Variants in SPEF2 observed in about 807,000 individuals in gnomAD.
SPEF2 encodes sperm flagella and cilia-associated protein 2.
A neutral mutation model predicts 224.6 loss-of-function variants in SPEF2; 187 were observed. That is an observed-to-expected ratio of 0.83 (90% confidence interval 0.74 to 0.94). The LOEUF is 0.94. Ranked by LOEUF, SPEF2 falls within the 40% of genes least tolerant of loss-of-function variation. The pLI, the probability that SPEF2 is intolerant of heterozygous loss-of-function variation, is 0.00. For synonymous variants in SPEF2, 715 were observed against 707.3 expected (o/e 1.01, Z -0.17); for missense variants, 2,170 against 2,135.6 (o/e 1.02, Z -0.32).
At chr5:35,710,748 A>AG (rs11444864) in intron 19 of SPEF2, 767,568 of 984,854 alleles carry the variant, frequency 0.78, 299,906 homozygotes, top group Middle Eastern at 0.82. Context: ...GTTTCTGATC[A>AG]GACCAGCTCA....
chr5:35,648,448 A>G (rs1368981637), intron 5 of SPEF2, among the ~76,000 whole-genome samples: 1 of 151,238 alleles, frequency 6.6e-6, no homozygotes, highest in Non-Finnish European at 1.5e-5. Context: ...GCAGTGGTAA[A>G]ATCATGGATC....
At chr5:35,720,377 T>G (rs1743407704) in intron 20 of SPEF2, among the ~76,000 whole-genome samples, 1 of 152,248 alleles carries the variant, frequency 6.6e-6, no homozygotes, top group South Asian at 2.1e-4. Context: ...TAGTTCTTGC[T>G]TCACTTGATA....
Position 35,641,477 on chromosome 5 carries a change from C to T in SPEF2, c.208C>T (p.Leu70Phe). 3 of 1,613,816 alleles carry T rather than the reference C, an allele frequency of 1.9e-6. No homozygotes were observed. The highest frequency in any genetic ancestry group is 2.7e-5 in the African/African-American group (2 of 75,006). ...LNNFSRLEPTLNLLGVQFDQN... is the reference protein window; with the variant it reads ...LNNFSRLEPTFNLLGVQFDQN... Reference sequence around the variant, plus strand: ...TAATTTTTCTCGCTTGGAGCCAACACTTAACCTTCTGGGTGTGCAGTTTGA... The same window carrying T: ...TAATTTTTCTCGCTTGGAGCCAACATTTAACCTTCTGGGTGTGCAGTTTGA... Residue 70 changes from leucine to phenylalanine, a missense_variant, in exon 3 of 37, where the codon CTT becomes TTT. Coordinates refer to ENST00000356031, the MANE Select transcript of SPEF2 (RefSeq NM_024867.4).
chr5:35,789,200 G>C, intron 30 of SPEF2: 1 of 702,950 alleles, frequency 1.4e-6, no homozygotes, highest in Non-Finnish European at 2.6e-6. Flanking sequence ...GAAACCCAAA[G>C]AACTTCTGGA....
At chr5:35,786,427 A>G (rs1249639493) in intron 30 of SPEF2, among the ~76,000 whole-genome samples, 2 of 152,250 alleles carry the variant, frequency 1.3e-5, no homozygotes, top group Non-Finnish European at 2.9e-5. Context: ...TGGGAAGCCG[A>G]GGTGGGTGGT....
chr5:35,710,011 T>C (rs7444550), intron 19 of SPEF2: 762,992 of 979,088 alleles, frequency 0.78, 298,150 homozygotes, highest in Middle Eastern at 0.82. Context: ...ATTAAACTTA[T>C]TCATATTAAA....
At chr5:35,773,561 GTGGGGATT>G (rs1240525228) in intron 27 of SPEF2, among the ~76,000 whole-genome samples, 1 of 152,178 alleles carries the variant, frequency 6.6e-6, no homozygotes, top group African/African-American at 2.4e-5. Flanking sequence ...TCAGCACTAT[GTGGGGATT>G]TGCTAATTTC....
At position 35,707,006 on chromosome 5, in the gene SPEF2, A is replaced by G. The variant is rs115336080; in HGVS notation, c.2665+1198A>G. On this transcript the variant is annotated intron_variant, in intron 18 of 36. Transcript: ENST00000356031. ...TTAGACTCAACTTCAACATTTTCCT[A>G]AAGAGTTTGCATTCTAATATTCACT... Among the ~76,000 whole-genome samples, 241 of 152,298 alleles carry G rather than the reference A, an allele frequency of 1.6e-3. 1 individual carries two copies. The highest frequency in any genetic ancestry group is 5.5e-3 in the African/African-American group (228 of 41,568).
chr5:35,691,017 T>C lies in SPEF2; in HGVS notation c.1525-20T>C. The C allele has an allele frequency of 1.3e-6, 2 of 1,591,690 alleles. No individual in the cohort carries two copies. The highest frequency in any genetic ancestry group is 1.7e-6 in the Non-Finnish European group (2 of 1,164,276). ...CCACTTTTCAGAATATTTCTGTTTA[T>C]TTGATCGTTATTTTTACAGAACATG... On this transcript the variant is annotated intron_variant, in intron 10 of 36. Transcript: ENST00000356031.
chr5:35,641,736 G>A, intron 3 of SPEF2, 53 bp downstream of exon 3: 2 of 1,553,978 alleles, frequency 1.3e-6, no homozygotes, highest in Non-Finnish European at 8.7e-7. Context: ...ATTTGATAAA[G>A]AGAAATGACA....
In SPEF2 at chr5:35,641,511, T is replaced by C; in HGVS notation, c.242T>C (p.Val81Ala). Residue 81 changes from valine to alanine, a missense_variant, in exon 3 of 37, where the codon GTG becomes GCG. Coordinates refer to ENST00000356031, the MANE Select transcript of SPEF2 (RefSeq NM_024867.4). ...NLLGVQFDQN[V>A]AHGIITEKPG... The stretch of plus-strand genomic sequence containing the variant: ...CTGGGTGTGCAGTTTGATCAGAATG[T>C]GGCCCATGGCATCATCACAGAAAAG... The C allele has an allele frequency of 6.2e-7, 1 of 1,613,860 alleles. No homozygotes were observed. Among genetic ancestry groups the C allele is most frequent in the South Asian group, 1.1e-5 (1 of 91,074 alleles).
At position 35,704,700 on chromosome 5, in the gene SPEF2, G is replaced by A. The variant is rs1739382931; in HGVS notation, c.2507+38G>A. On this transcript the variant is annotated intron_variant, in intron 17 of 36. Coordinates refer to ENST00000356031, the MANE Select transcript of SPEF2 (RefSeq NM_024867.4). The stretch of plus-strand genomic sequence containing the variant: ...CTAAATGCTCTGCTTCTTGTTTCAT[G>A]CTTTTTAAATAGATTGACAACAACT... 2.5e-6 allele frequency: 3 copies of A among 1,207,364 alleles called. No homozygotes were observed. The Admixed American group carries it at 5.3e-5, about 21-fold the overall frequency. The allele number at this position is 1,207,364 out of a possible 1,614,324, so 74.8% of individuals were successfully genotyped here. A position where few individuals can be genotyped will look rare whatever the true frequency, so the allele number is the denominator to read the frequency against.
At position 35,644,446 on chromosome 5, in the gene SPEF2, A is replaced by T. The variant is rs770174445; in HGVS notation, c.506A>T (p.Asp169Val). 4 of 1,611,436 alleles carry T rather than the reference A, an allele frequency of 2.5e-6. No individual in the cohort carries two copies. The highest frequency in any genetic ancestry group is 3.4e-6 in the Non-Finnish European group (4 of 1,179,128). The change falls in exon 4 of 37, where the codon GAT becomes GTT. Residue 169 changes from aspartate to valine, a missense_variant. Transcript: ENST00000356031. ...FQEKYKHVKE[D>V]LAHLHFEKLE... ...GAAAAATATAAACACGTGAAAGAAG[A>T]TCTTGCCCATTTGCATTTTGAGAAA...
chr5:35,802,417 C>G (rs560447360), intron 34 of SPEF2, among the ~76,000 whole-genome samples: 1 of 151,998 alleles, frequency 6.6e-6, no homozygotes, highest in Non-Finnish European at 1.5e-5. Context: ...GGACCACTCT[C>G]GATTCGGGGG....
At chr5:35,807,301 G>T in intron 36 of SPEF2, 48 bp downstream of exon 36, 3 of 1,580,836 alleles carry the variant, frequency 1.9e-6, no homozygotes, top group African/African-American at 1.4e-5. Flanking sequence ...TCCAGTTCAG[G>T]ACATGCTAGG....
intron 2 of SPEF2, among the ~76,000 whole-genome samples, chr5:35,636,152 C>A (rs1325069803): frequency 2.0e-5 from 3 of 152,158 alleles, no homozygotes; most frequent in Non-Finnish European, 2.9e-5. Flanking sequence ...TGGACTAATT[C>A]TGTAAAGTCT....
intron 10 of SPEF2, chr5:35,675,987 G>T (rs971139832): frequency 2.2e-6 from 1 of 456,114 alleles, no homozygotes; most frequent in African/African-American, 2.0e-5. Context: ...TAACACTGGA[G>T]ACAAGGTAAG....
rs747734038 is a variant in SPEF2 at position 35,641,550 on chromosome 5, C to A, written c.281C>A (p.Thr94Lys). 3 of 1,613,536 alleles carry A rather than the reference C, an allele frequency of 1.9e-6. No homozygotes were observed. Among genetic ancestry groups the A allele is most frequent in the Non-Finnish European group, 2.5e-6 (3 of 1,179,830 alleles). The change falls in exon 3 of 37, where the codon ACA becomes AAA. Residue 94 changes from threonine (T) to lysine (K), a missense_variant. Transcript: ENST00000356031. ...GIITEKPGVA[T>K]KLLYQLYIAL... ...ATCACAGAAAAGCCTGGGGTGGCAA[C>A]AAAGCTGTTATATCAATTGTACATT...
intron 19 of SPEF2, among the ~76,000 whole-genome samples, chr5:35,711,765 T>C (rs1216955004): frequency 1.4e-5 from 2 of 144,934 alleles, no homozygotes; most frequent in African/African-American, 2.5e-5. Context: ...TGATATTTAA[T>C]GTAAGTGAAA....
Sources: gnomAD v4.1 joint callset for allele counts (sites outside exome capture counted in the v4.1 genomes callset) on GRCh38, gnomAD v4.1.1 for gene constraint, MANE v1.5 for transcripts, NCBI Gene and HGNC (gene_info 2026-07-23, HGNC 2026-07-21) for gene names.